PPM1L: variants seen among roughly 807,000 people sequenced by gnomAD.
The protein encoded by PPM1L is protein phosphatase, Mg2+/Mn2+ dependent 1L.
Under a neutral mutation model 31.4 loss-of-function variants are expected in PPM1L, and 13 were observed. The observed-to-expected ratio is 0.41, with a 90% CI of 0.27 to 0.66. The LOEUF (loss-of-function observed/expected upper bound fraction) is 0.66. Among genes scored for constraint, PPM1L ranks in the 30% least tolerant of loss-of-function variants. The pLI is 0.29. For synonymous variants in PPM1L, 184 were observed against 175.4 expected, an observed-to-expected ratio of 1.05 and a Z score of -0.39; for missense variants, 326 against 453.7, an observed-to-expected ratio of 0.72 and a Z score of 2.56.
At chr3:160,960,618 T>C (rs1715933357) in intron 1 of PPM1L, among the ~76,000 whole-genome samples, 1 of 151,556 alleles carries the variant, frequency 6.6e-6, no homozygotes, top group African/African-American at 2.4e-5. Flanking sequence ...TTATACTGGT[T>C]ATGAATATAA....
rs377495364 is a variant in PPM1L at position 161,065,468 on chromosome 3, C to T, written c.640C>T (p.Arg214Cys). 3.7e-6 allele frequency: 6 copies of T among 1,613,994 alleles called. No individual in the cohort carries two copies. The highest frequency in any genetic ancestry group is 1.7e-5 in the Admixed American group (1 of 60,000). Residue 214 changes from arginine (R) to cysteine (C), a missense_variant, in exon 3 of 4, where the codon CGC (arginine) becomes TGC (cysteine). Arg to Cys is a radical substitution (Grantham distance 180, BLOSUM62 -3). Around this residue, in one of 3 missense-constraint regions of PPM1L, gnomAD observed 201 missense variants for 298.2 expected, o/e 0.67. Coordinates refer to ENST00000498165, the MANE Select transcript of PPM1L (RefSeq NM_139245.4). ...DLTVANVGDS[R>C]GVLCDKDGNA... ...CACTGTGGCCAACGTGGGTGACTCG[C>T]GCGGGGTCCTGTGTGACAAAGATGG... is the stretch of plus-strand genomic sequence containing the variant.
intron 1 of PPM1L, among the ~76,000 whole-genome samples, chr3:160,849,200 T>A (rs1714180006): frequency 6.6e-6 from 1 of 152,222 alleles, no homozygotes; most frequent in East Asian, 1.9e-4. Context: ...GCACTATTTC[T>A]TGGTTCGTGC....
At chr3:160,795,337 C>T (rs987031004) in intron 1 of PPM1L, among the ~76,000 whole-genome samples, 3 of 152,150 alleles carry the variant, frequency 2.0e-5, no homozygotes, top group Non-Finnish European at 4.4e-5. Flanking sequence ...TGTTTATTGT[C>T]GTGGAGGCTG....
At chr3:160,815,000 G>A (rs557953095) in intron 1 of PPM1L, among the ~76,000 whole-genome samples, 2 of 152,038 alleles carry the variant, frequency 1.3e-5, no homozygotes, top group East Asian at 1.9e-4. Context: ...CGGGATTCAG[G>A]GGGTAGGGTA....
At chr3:160,792,855 A>G (rs1413758214) in intron 1 of PPM1L, among the ~76,000 whole-genome samples, 3 of 152,218 alleles carry the variant, frequency 2.0e-5, no homozygotes, top group African/African-American at 4.8e-5. Context: ...AGGGTCACAA[A>G]TGAGGAGTTT....
intron 1 of PPM1L, among the ~76,000 whole-genome samples, chr3:160,802,404 G>A (rs1172891769): frequency 6.6e-6 from 1 of 152,130 alleles, no homozygotes; most frequent in Non-Finnish European, 1.5e-5. Flanking sequence ...GAGGTTTCAT[G>A]GTGTTGATGT....
chr3:160,847,321 A>C (rs539688383), intron 1 of PPM1L, among the ~76,000 whole-genome samples: 1 of 152,222 alleles, frequency 6.6e-6, no homozygotes, highest in Non-Finnish European at 1.5e-5. Flanking sequence ...TTTTATATTA[A>C]TTTTAAAACA....
chr3:160,884,444 A>G (rs1441402305), intron 1 of PPM1L, among the ~76,000 whole-genome samples: 1 of 152,218 alleles, frequency 6.6e-6, no homozygotes, highest in Non-Finnish European at 1.5e-5. Flanking sequence ...AAGTGGCCTC[A>G]TTTCTCTGGA....
intron 1 of PPM1L, among the ~76,000 whole-genome samples, chr3:160,818,375 C>T (rs62272827): frequency 0.034 from 5,226 of 152,048 alleles, 133 homozygotes; most frequent in Middle Eastern, 0.12. Flanking sequence ...TGTTTGAAAG[C>T]CTTTGTTTAG....
intron 1 of PPM1L, among the ~76,000 whole-genome samples, chr3:160,947,532 C>T (rs1157205746): frequency 2.6e-5 from 4 of 152,112 alleles, no homozygotes; most frequent in Non-Finnish European, 5.9e-5. Flanking sequence ...TCCTCCTTCA[C>T]CCCCAACCAG....
chr3:160,959,606 C>T (rs896704723), intron 1 of PPM1L, among the ~76,000 whole-genome samples: 2 of 152,016 alleles, frequency 1.3e-5, no homozygotes, highest in Non-Finnish European at 2.9e-5. Flanking sequence ...GAGGCGGGTG[C>T]ATCACCTGAG....
chr3:160,886,077 C>T (rs1206409040), intron 1 of PPM1L, among the ~76,000 whole-genome samples: 3 of 152,238 alleles, frequency 2.0e-5, no homozygotes, highest in Non-Finnish European at 4.4e-5. Flanking sequence ...GCCAACACAC[C>T]AGCTGTGGCG....
intron 1 of PPM1L, among the ~76,000 whole-genome samples, chr3:160,832,222 A>G (rs140035421): frequency 1.6e-4 from 25 of 152,246 alleles, no homozygotes; most frequent in African/African-American, 4.8e-4. Flanking sequence ...GCTATGTACA[A>G]TGGCAGTGGA....
At chr3:160,822,433 A>G (rs942325515) in intron 1 of PPM1L, among the ~76,000 whole-genome samples, 1 of 152,012 alleles carries the variant, frequency 6.6e-6, no homozygotes, top group East Asian at 1.9e-4. Flanking sequence ...AGGATATTTT[A>G]TGTTTTATAT....
At chr3:161,036,171 A>G (rs1226081565) in intron 2 of PPM1L, 2 of 152,220 alleles carry the variant, frequency 1.3e-5, no homozygotes, top group African/African-American at 4.8e-5. Flanking sequence ...TTCATATGGT[A>G]TAATCACTAA....
chr3:160,779,589 C>G (rs1218418126), intron 1 of PPM1L, among the ~76,000 whole-genome samples: 1 of 152,054 alleles, frequency 6.6e-6, no homozygotes, highest in East Asian at 1.9e-4. Context: ...GTGGCACCAT[C>G]TCGGCCCACT....
chr3:160,950,263 C>G (rs1342411875), intron 1 of PPM1L, among the ~76,000 whole-genome samples: 3 of 152,142 alleles, frequency 2.0e-5, no homozygotes, highest in Admixed American at 6.5e-5. Flanking sequence ...TAGCATACTA[C>G]CCCTCCTTAA....
Position 161,073,450 on chromosome 3 carries a change from A to G in PPM1L, c.*4293A>G, listed in dbSNP as rs547696735. The G allele has an allele frequency of 5.9e-5, 9 of 152,344 alleles. No individual in the cohort carries two copies. Among genetic ancestry groups the G allele is most frequent in the East Asian group, 5.8e-4 (3 of 5,186 alleles). 9.4% of individuals were successfully genotyped at this position (152,344 alleles called of 1,614,324 possible). A position where few individuals can be genotyped will look rare whatever the true frequency, so the allele number is the denominator to read the frequency against. On this transcript the variant is annotated 3_prime_UTR_variant, in exon 4 of 4. Transcript: ENST00000498165. Reference sequence around the variant, plus strand: ...CAACTTAGAAGCATGAGCCTTTCATATATGAAGCTGACTTGTTAATAAAAG... The same window carrying G: ...CAACTTAGAAGCATGAGCCTTTCATGTATGAAGCTGACTTGTTAATAAAAG...
intron 1 of PPM1L, among the ~76,000 whole-genome samples, chr3:160,848,561 C>T (rs540532721): frequency 2.6e-5 from 4 of 152,230 alleles, no homozygotes; most frequent in South Asian, 4.1e-4. Context: ...TGTTAGTGTC[C>T]GCAGGTTCTA....
Sources: allele counts gnomAD v4.1 joint callset (sites outside exome capture counted in the v4.1 genomes callset), GRCh38; gene constraint gnomAD v4.1.1; regional missense constraint gnomAD v4.1.1; transcripts MANE v1.5; gene names NCBI Gene and HGNC (gene_info 2026-07-23, HGNC 2026-07-21).